The following CHSY3 variants were observed in gnomAD, a reference collection of about 807,000 sequenced individuals.
CHSY3 encodes the protein N-acetylgalactosaminyl-proteoglycan 3-beta-glucuronosyltransferase 3.
CHSY3 carries 35 observed loss-of-function variants against 67.2 expected under a neutral mutation model. That is an observed-to-expected ratio of 0.52 (90% confidence interval 0.40 to 0.69). The LOEUF is 0.69. CHSY3 is among the 30% of genes least tolerant of loss of function. The probability of loss-of-function intolerance (pLI) is 0.00; values close to 1 mark genes in which losing one functional copy is unlikely to be tolerated. For missense variants in CHSY3, 1,069 were observed against 1,138.5 expected (o/e 0.94, Z 0.88); for synonymous variants, 474 against 434.7 (o/e 1.09, Z -1.12).
chr5:129,905,136 T>C lies in CHSY3; in HGVS notation c.307T>C (p.Trp103Arg). ...GATCACCAGTTTTCGAAGCAGCCCC[T>C]GGCAGCAGCCACCTCCGCTGCAGCA... Reference protein sequence around the residue: ...PGITSFRSSPWQQPPPLQQRR... With the variant: ...PGITSFRSSPRQQPPPLQQRR... Residue 103 changes from tryptophan to arginine, a missense_variant, in exon 1 of 3, where the codon TGG becomes CGG. Coordinates refer to ENST00000305031, the MANE Select transcript of CHSY3 (RefSeq NM_175856.5). The C allele has an allele frequency of 6.5e-7, 1 of 1,533,694 alleles. No homozygotes were observed. The highest frequency in any genetic ancestry group is 8.7e-7 in the Non-Finnish European group (1 of 1,146,200).
chr5:130,027,944 G>A (rs1764596693), intron 2 of CHSY3, among the ~76,000 whole-genome samples: 1 of 152,148 alleles, frequency 6.6e-6, no homozygotes, highest in South Asian at 2.1e-4. Context: ...GTGTGCATGT[G>A]CTTTTATAGC....
chr5:129,908,201 T>A lies in CHSY3; in HGVS notation c.927T>A (p.Cys309Ter), dbSNP rs745528081. The change falls in exon 2 of 3, where the codon TGT becomes TGA. Residue 309 changes from cysteine to a stop codon, truncating the protein, a stop_gained. Transcript: ENST00000305031. LOFTEE classifies it high-confidence loss of function. ...KLGLEPGENF[C>*]MGGPGMIFSR... ...GACTGGAGCCTGGGGAAAACTTCTGTATGGGAGGACCTGGCATGATCTTTA... is the reference window on the plus strand; with the variant it reads ...GACTGGAGCCTGGGGAAAACTTCTGAATGGGAGGACCTGGCATGATCTTTA... The A allele has an allele frequency of 6.2e-7, 1 of 1,614,182 alleles. No homozygotes were observed. The highest frequency in any genetic ancestry group is 1.7e-5 in the Admixed American group (1 of 60,018).
intron 2 of CHSY3, among the ~76,000 whole-genome samples, chr5:129,975,866 T>C (rs899462934): frequency 1.3e-5 from 2 of 152,022 alleles, no homozygotes; most frequent in Non-Finnish European, 1.5e-5. Context: ...GTTGCATGGA[T>C]AAAATGAGAT....
chr5:129,961,564 C>T (rs1485297627), intron 2 of CHSY3, among the ~76,000 whole-genome samples: 2 of 151,984 alleles, frequency 1.3e-5, no homozygotes, highest in Non-Finnish European at 2.9e-5. Context: ...CTAAACTGCT[C>T]CAGGCTTTCC....
intron 2 of CHSY3, among the ~76,000 whole-genome samples, chr5:129,980,881 C>T (rs927725680): frequency 2.0e-5 from 3 of 151,946 alleles, no homozygotes; most frequent in African/African-American, 7.3e-5. Context: ...ACCATAAAAC[C>T]ATGTTTGCTA....
chr5:130,177,206 T>G (rs889220271), intron 2 of CHSY3, among the ~76,000 whole-genome samples: 2 of 146,140 alleles, frequency 1.4e-5, no homozygotes, highest in African/African-American at 5.0e-5. Flanking sequence ...TATATATGAG[T>G]GTGTGTATAT....
intron 2 of CHSY3, among the ~76,000 whole-genome samples, chr5:130,182,761 T>C (rs1770287855): frequency 6.6e-6 from 1 of 152,092 alleles, no homozygotes; most frequent in Admixed American, 6.5e-5. Context: ...CTCCAAACTG[T>C]AAGCTCTATT....
intron 2 of CHSY3, among the ~76,000 whole-genome samples, chr5:129,990,708 T>C (rs888106307): frequency 2.0e-5 from 3 of 152,176 alleles, no homozygotes; most frequent in African/African-American, 7.2e-5. Flanking sequence ...TATTTCTTAG[T>C]TAATTTTTCA....
chr5:130,185,850 G>A lies in CHSY3; in HGVS notation c.*59G>A. ...GGAGTTTACCTCATTGTTGGTTGTT[G>A]TTATTTTTATTGTATTATTGTTATT... On this transcript the variant is annotated 3_prime_UTR_variant, in exon 3 of 3. Transcript: ENST00000305031. 9.4e-7 allele frequency: 1 copy of A among 1,067,066 alleles called. No homozygotes were observed. 66.1% of individuals were successfully genotyped at this position (1,067,066 alleles called of 1,614,324 possible).
intron 2 of CHSY3, among the ~76,000 whole-genome samples, chr5:129,911,168 A>G (rs1053079717): frequency 2.0e-5 from 3 of 151,706 alleles, no homozygotes; most frequent in African/African-American, 7.2e-5. Context: ...TTATTAAATA[A>G]AATATATAAT....
intron 2 of CHSY3, among the ~76,000 whole-genome samples, chr5:130,088,307 G>T (rs1289182739): frequency 1.3e-5 from 2 of 150,298 alleles, no homozygotes; most frequent in Non-Finnish European, 2.9e-5. Flanking sequence ...CATAGGCATG[G>T]GCAAGGACTT....
rs1352031357 is a variant in CHSY3 at position 129,930,248 on chromosome 5, A to G, written c.1086+21888A>G. On this transcript the variant is annotated intron_variant, in intron 2 of 2. Coordinates refer to ENST00000305031, the MANE Select transcript of CHSY3 (RefSeq NM_175856.5). ...CTCAGGAGGTTGAGGCAAGAGAATCATTTGCACCCAGGATGCAGAGGTTGC... is the reference window on the plus strand; with the variant it reads ...CTCAGGAGGTTGAGGCAAGAGAATCGTTTGCACCCAGGATGCAGAGGTTGC... Among the ~76,000 whole-genome samples the G allele has an allele frequency of 2.0e-5, 3 of 150,886 alleles. No homozygotes were observed. The Admixed American group carries it at 2.0e-4, about 10-fold the overall frequency.
intron 1 of CHSY3, among the ~76,000 whole-genome samples, chr5:129,906,759 C>A (rs1760319732): frequency 6.6e-6 from 1 of 152,206 alleles, no homozygotes; most frequent in Non-Finnish European, 1.5e-5. Context: ...AGGGGGGCAG[C>A]CCTTCCTTAT....
At chr5:130,011,252 G>A (rs1181828161) in intron 2 of CHSY3, among the ~76,000 whole-genome samples, 1 of 152,128 alleles carries the variant, frequency 6.6e-6, no homozygotes, top group Non-Finnish European at 1.5e-5. Context: ...AAATCCAGCA[G>A]CACACCAAAA....
chr5:130,102,020 T>A (rs1767260628), intron 2 of CHSY3, among the ~76,000 whole-genome samples: 1 of 152,152 alleles, frequency 6.6e-6, no homozygotes, highest in African/African-American at 2.4e-5. Context: ...CAACATTGTT[T>A]TGTGGTGTTG....
At chr5:130,083,357 G>A (rs1341620685) in intron 2 of CHSY3, among the ~76,000 whole-genome samples, 1 of 151,934 alleles carries the variant, frequency 6.6e-6, no homozygotes, top group African/African-American at 2.4e-5. Context: ...TTTTTTCACT[G>A]GATCCTCTTC....
intron 2 of CHSY3, chr5:130,140,976 A>G: frequency 1.4e-6 from 1 of 701,812 alleles, no homozygotes; most frequent in Non-Finnish European, 1.8e-6. Flanking sequence ...GACTCCGTAG[A>G]GAAGGCCCTT....
At chr5:130,099,542 G>A (rs1235825897) in intron 2 of CHSY3, among the ~76,000 whole-genome samples, 3 of 152,156 alleles carry the variant, frequency 2.0e-5, no homozygotes, top group Non-Finnish European at 4.4e-5. Context: ...ATGTCTGTAC[G>A]CGAATGTGTG....
At position 130,143,732 on chromosome 5, in the gene CHSY3, G is replaced by GTATA. The variant is rs1468717884; in HGVS notation, c.1087-40496_1087-40495insATAT. ...GGTATATATATATATGTGTGTGTGT[G>GTATA]TGTATATATATATATATATATATAT... On this transcript the variant is annotated intron_variant, in intron 2 of 2. Transcript: ENST00000305031. 2.6e-4 allele frequency among the ~76,000 whole-genome samples: 26 copies of GTATA among 99,272 alleles called. 1 individual carries two copies. Among genetic ancestry groups the GTATA allele is most frequent in the African/African-American group, 9.2e-4 (22 of 24,012 alleles). The allele number at this position is 99,272 out of a possible 152,430, so 65.1% of individuals were successfully genotyped here.
Sources: allele counts gnomAD v4.1 joint callset (sites outside exome capture counted in the v4.1 genomes callset), GRCh38; gene constraint gnomAD v4.1.1; transcripts MANE v1.5; gene names NCBI Gene and HGNC (gene_info 2026-07-23, HGNC 2026-07-21).